Variants in RBFOX1 observed in about 807,000 individuals in gnomAD.
RBFOX1 encodes the protein RNA binding protein fox-1 homolog 1.
In RBFOX1, 8 loss-of-function variants were observed where a neutral mutation model predicts 57.7. That is an observed-to-expected ratio of 0.14 (90% CI 0.08 to 0.25). The LOEUF is 0.25. Ranked by LOEUF, RBFOX1 falls within the 10% of genes least tolerant of loss-of-function variation. The pLI is 1.00. For synonymous variants in RBFOX1, 326 were observed against 222.4 expected (o/e 1.47, Z -4.15); for missense variants, 611 against 548.5 (o/e 1.11, Z -1.14).
intron 3 of RBFOX1, among the ~76,000 whole-genome samples, chr16:6,872,366 G>T (rs545261589): frequency 6.6e-6 from 1 of 151,490 alleles, no homozygotes; most frequent in African/African-American, 2.4e-5. Flanking sequence ...TCTCTTTCTC[G>T]TAGTAATAAT....
intron 1 of RBFOX1, among the ~76,000 whole-genome samples, chr16:5,286,044 A>C (rs2063386560): frequency 6.6e-6 from 1 of 152,162 alleles, no homozygotes; most frequent in Non-Finnish European, 1.5e-5. Flanking sequence ...TGCTGGGATT[A>C]CTGGCATGAA....
At chr16:6,922,761 A>G (rs974768571) in intron 3 of RBFOX1, among the ~76,000 whole-genome samples, 1 of 152,188 alleles carries the variant, frequency 6.6e-6, no homozygotes, top group East Asian at 1.9e-4. Flanking sequence ...TAATTTCCTT[A>G]TTGTATGGTG....
intron 3 of RBFOX1, chr16:6,748,971 C>T (rs190535409): frequency 6.6e-6 from 1 of 152,158 alleles, no homozygotes; most frequent in Admixed American, 6.6e-5. Context: ...AAAGTTCTCT[C>T]CTAATTGATA....
chr16:5,985,322 C>A (rs1567222346), intron 4 of RBFOX1, among the ~76,000 whole-genome samples: 3 of 151,518 alleles, frequency 2.0e-5, no homozygotes, highest in Non-Finnish European at 4.4e-5. Context: ...GGGCCATTGT[C>A]ATGGATGCCA....
intron 1 of RBFOX1, among the ~76,000 whole-genome samples, chr16:5,426,201 G>A (rs1300463603): frequency 1.3e-5 from 2 of 152,142 alleles, no homozygotes; most frequent in African/African-American, 2.4e-5. Flanking sequence ...TGCGGGGCAC[G>A]TTTGGACTTG....
intron 4 of RBFOX1, among the ~76,000 whole-genome samples, chr16:7,349,145 C>T (rs897374860): frequency 6.6e-6 from 1 of 152,114 alleles, no homozygotes; most frequent in East Asian, 1.9e-4. Context: ...AAAACCATCT[C>T]CTAGAGACCC....
intron 4 of RBFOX1, among the ~76,000 whole-genome samples, chr16:7,346,775 A>G (rs1460333090): frequency 7.2e-5 from 11 of 152,334 alleles, no homozygotes; most frequent in South Asian, 2.1e-4. Context: ...CATGAGACCC[A>G]TACGATCATG....
At chr16:5,450,061 C>T (rs140434762) in intron 1 of RBFOX1, among the ~76,000 whole-genome samples, 2 of 152,162 alleles carry the variant, frequency 1.3e-5, no homozygotes, top group East Asian at 1.9e-4. Context: ...CATGCATTGA[C>T]CACTTGGATC....
intron 4 of RBFOX1, among the ~76,000 whole-genome samples, chr16:7,230,469 C>G (rs763956994): frequency 6.6e-6 from 1 of 152,112 alleles, no homozygotes; most frequent in Non-Finnish European, 1.5e-5. Flanking sequence ...GCTTTGTCCT[C>G]TCAAGGGTTT....
Position 6,966,013 on chromosome 16 carries a change from A to G in RBFOX1, c.-15-86044A>G, listed in dbSNP as rs532608596. 1.1e-4 allele frequency among the ~76,000 whole-genome samples: 16 copies of G among 152,332 alleles called. No homozygotes were observed. In the East Asian group the frequency reaches 2.7e-3, roughly 26 times the overall value. On this transcript the variant is annotated intron_variant, in intron 3 of 15. Coordinates refer to ENST00000550418, the MANE Select transcript of RBFOX1 (RefSeq NM_018723.4). ...GTAAATGCTCAAAATGGAGCGTATC[A>G]TAGAAAATCGGAGATACGTTTTCTT...
chr16:6,981,986 A>C (rs947517786), intron 3 of RBFOX1, among the ~76,000 whole-genome samples: 2 of 152,214 alleles, frequency 1.3e-5, no homozygotes. Context: ...ATAAGCCTCC[A>C]AATAGTGTGT....
At chr16:5,571,619 G>A (rs1278848677) in intron 2 of RBFOX1, among the ~76,000 whole-genome samples, 3 of 152,174 alleles carry the variant, frequency 2.0e-5, no homozygotes, top group Non-Finnish European at 2.9e-5. Context: ...ACTTCCTGGC[G>A]CCATGCTTCT....
At chr16:5,957,430 C>T (rs1462186037) in intron 4 of RBFOX1, among the ~76,000 whole-genome samples, 1 of 151,918 alleles carries the variant, frequency 6.6e-6, no homozygotes, top group African/African-American at 2.4e-5. Flanking sequence ...GGTCATGAAC[C>T]CCTCACCTGG....
chr16:6,164,875 G>A (rs1036414876), intron 1 of RBFOX1, among the ~76,000 whole-genome samples: 3 of 152,094 alleles, frequency 2.0e-5, no homozygotes, highest in African/African-American at 7.2e-5. Context: ...TAAATACCAT[G>A]TCAGAAATCA....
At chr16:6,375,514 A>G (rs1201539729) in intron 2 of RBFOX1, among the ~76,000 whole-genome samples, 2 of 152,058 alleles carry the variant, frequency 1.3e-5, no homozygotes, top group Non-Finnish European at 2.9e-5. Context: ...GCAGGGGGAA[A>G]ATGCCAAAGC....
chr16:5,274,695 G>A (rs1286648420), intron 1 of RBFOX1, among the ~76,000 whole-genome samples: 1 of 152,182 alleles, frequency 6.6e-6, no homozygotes, highest in East Asian at 1.9e-4. Flanking sequence ...TTAGTGGATG[G>A]GTTATTTTGC....
chr16:6,845,421 A>G (rs1294751799), intron 3 of RBFOX1, among the ~76,000 whole-genome samples: 1 of 152,206 alleles, frequency 6.6e-6, no homozygotes, highest in African/African-American at 2.4e-5. Context: ...TCCCAGCACC[A>G]TTTATTAAAT....
At chr16:7,224,746 C>T (rs2092983454) in intron 4 of RBFOX1, among the ~76,000 whole-genome samples, 1 of 152,176 alleles carries the variant, frequency 6.6e-6, no homozygotes, top group Non-Finnish European at 1.5e-5. Context: ...TTATGGTTCT[C>T]CTGAATGTGA....
chr16:7,137,751 A>G (rs1384802574), intron 4 of RBFOX1, among the ~76,000 whole-genome samples: 1 of 152,166 alleles, frequency 6.6e-6, no homozygotes, highest in Non-Finnish European at 1.5e-5. Flanking sequence ...CGAACACATA[A>G]CATTATGCAA....
Sources: allele counts gnomAD v4.1 joint callset (sites outside exome capture counted in the v4.1 genomes callset), GRCh38; gene constraint gnomAD v4.1.1; transcripts MANE v1.5; gene names NCBI Gene and HGNC (gene_info 2026-07-23, HGNC 2026-07-21).